The following SPTLC3 variants were observed in gnomAD, a reference collection of about 807,000 sequenced individuals.
SPTLC3 encodes serine palmitoyltransferase 3.
Under a neutral mutation model 59.3 loss-of-function variants are expected in SPTLC3, and 36 were observed. The observed-to-expected ratio is 0.61, with a 90% CI of 0.47 to 0.80. The LOEUF is 0.80. Ranked by LOEUF, SPTLC3 falls within the 30% of genes least tolerant of loss-of-function variation. The probability of loss-of-function intolerance (pLI) is 0.00; values close to 1 mark genes in which losing one functional copy is unlikely to be tolerated. For synonymous variants in SPTLC3, 257 were observed against 240.8 expected, an observed-to-expected ratio of 1.07 and a Z score of -0.62; for missense variants, 625 against 685.1, an observed-to-expected ratio of 0.91 and a Z score of 0.98.
chr20:13,103,640 C>T (rs1189367096), intron 6 of SPTLC3, among the ~76,000 whole-genome samples: 1 of 152,178 alleles, frequency 6.6e-6, no homozygotes, highest in African/African-American at 2.4e-5. Flanking sequence ...ACCAACCACA[C>T]CAGGAGCATA....
intron 9 of SPTLC3, among the ~76,000 whole-genome samples, chr20:13,127,874 T>G (rs944061821): frequency 4.6e-5 from 7 of 152,166 alleles, no homozygotes; most frequent in Non-Finnish European, 8.8e-5. Context: ...ATCCTATTGG[T>G]TGGTCTTTGT....
At chr20:13,104,453 C>T (rs1419682352) in intron 6 of SPTLC3, among the ~76,000 whole-genome samples, 4 of 152,160 alleles carry the variant, frequency 2.6e-5, no homozygotes, top group Non-Finnish European at 5.9e-5. Flanking sequence ...GTAAGATGTG[C>T]CTTTCCCCTT....
At chr20:13,159,283 C>A (rs1447951179) in intron 10 of SPTLC3, among the ~76,000 whole-genome samples, 2 of 152,204 alleles carry the variant, frequency 1.3e-5, no homozygotes, top group African/African-American at 2.4e-5. Context: ...AGGTTCTCTG[C>A]GTGAACACTT....
At chr20:13,016,093 G>A (rs1435948164) in intron 1 of SPTLC3, among the ~76,000 whole-genome samples, 1 of 151,406 alleles carries the variant, frequency 6.6e-6, no homozygotes, top group African/African-American at 2.4e-5. Flanking sequence ...TACAAAAAGA[G>A]GCCAAACACC....
intron 1 of SPTLC3, among the ~76,000 whole-genome samples, chr20:13,034,938 T>C (rs1986669237): frequency 6.6e-6 from 1 of 152,162 alleles, no homozygotes; most frequent in Non-Finnish European, 1.5e-5. Flanking sequence ...GATGGGTATC[T>C]ATCCTGATGT....
At chr20:13,076,928 G>A (rs984297441) in intron 4 of SPTLC3, among the ~76,000 whole-genome samples, 2 of 152,050 alleles carry the variant, frequency 1.3e-5, no homozygotes, top group African/African-American at 4.8e-5. Context: ...TTAAAACTGA[G>A]CCCAAAAATA....
intron 9 of SPTLC3, among the ~76,000 whole-genome samples, chr20:13,148,531 C>G (rs997086120): frequency 6.6e-6 from 1 of 152,176 alleles, no homozygotes; most frequent in African/African-American, 2.4e-5. Flanking sequence ...CCTGAGCACT[C>G]AGGAACTGCT....
intron 6 of SPTLC3, among the ~76,000 whole-genome samples, chr20:13,095,168 A>C (rs1333379217): frequency 2.0e-5 from 3 of 152,208 alleles, no homozygotes; most frequent in South Asian, 2.1e-4. Context: ...TCAGCATGAC[A>C]GATGATTGCT....
At chr20:13,036,649 G>T (rs1986747968) in intron 1 of SPTLC3, among the ~76,000 whole-genome samples, 1 of 151,998 alleles carries the variant, frequency 6.6e-6, no homozygotes, top group Non-Finnish European at 1.5e-5. Context: ...TGCACAGAAG[G>T]CCAGCACCCT....
At chr20:13,043,944 C>A (rs183524179) in intron 1 of SPTLC3, among the ~76,000 whole-genome samples, 20 of 152,196 alleles carry the variant, frequency 1.3e-4, no homozygotes, top group Admixed American at 2.6e-4. Flanking sequence ...TCCCCATATA[C>A]AATGGTCTTG....
At chr20:13,020,574 T>A (rs1320118609) in intron 1 of SPTLC3, among the ~76,000 whole-genome samples, 4 of 152,112 alleles carry the variant, frequency 2.6e-5, no homozygotes, top group Non-Finnish European at 4.4e-5. Context: ...TTACATAATA[T>A]ATTAATATTT....
In SPTLC3 at chr20:13,060,377, G is replaced by GTTATTTAT. The variant is rs60787251; in HGVS notation, c.303+11280_303+11287dup. ...TGTGTAGGAGAAGGCAAGAGCTAAA[G>GTTATTTAT]TTATTTATTTATTTATTTATTTATT... is the stretch of plus-strand genomic sequence containing the variant. On this transcript the variant is annotated intron_variant, in intron 2 of 11. Coordinates refer to ENST00000399002, the MANE Select transcript of SPTLC3 (RefSeq NM_018327.4). 9.3e-3 allele frequency among the ~76,000 whole-genome samples: 1,366 copies of GTTATTTAT among 146,256 alleles called. 13 individuals carry two copies. Among genetic ancestry groups the GTTATTTAT allele is most frequent in the African/African-American group, 0.019 (736 of 39,244 alleles).
rs2037965023 is a variant in SPTLC3 at position 13,125,346 on chromosome 20, AT to A, written c.1153-1244del. On this transcript the variant is annotated intron_variant, in intron 8 of 11. Transcript: ENST00000399002. ...GTGTTACACAAAACACAAAATTCCA[AT>A]AGTTCTCTGCTGCCAAAGGCATAAC... 3.3e-5 allele frequency among the ~76,000 whole-genome samples: 5 copies of A among 152,266 alleles called. 1 individual carries two copies. In the South Asian group the frequency reaches 8.3e-4, roughly 25 times the overall value.
chr20:13,109,693 G>T (rs973466444), intron 6 of SPTLC3, among the ~76,000 whole-genome samples: 1 of 152,202 alleles, frequency 6.6e-6, no homozygotes, highest in Non-Finnish European at 1.5e-5. Flanking sequence ...AGTGAGATCC[G>T]TGCAAACTCA....
intron 3 of SPTLC3, 87 bp downstream of exon 3, chr20:13,072,497 A>C (rs1988481493): frequency 7.3e-7 from 1 of 1,367,430 alleles, no homozygotes; most frequent in Admixed American, 2.5e-5. Flanking sequence ...AATCCAAAAA[A>C]ACAAGGCATG....
At chr20:13,051,741 C>G (rs1035861702) in intron 2 of SPTLC3, among the ~76,000 whole-genome samples, 2 of 152,162 alleles carry the variant, frequency 1.3e-5, no homozygotes, top group Non-Finnish European at 2.9e-5. Flanking sequence ...CAAGCACTCT[C>G]TCAGGCCACA....
In SPTLC3 at chr20:13,009,198, C is replaced by A; in HGVS notation, c.-70C>A. ...CAAAGAGCTTTATCCCATCCCCTCG[C>A]AGACTGAAAACTAAAGCCTGCAGAG... is the stretch of plus-strand genomic sequence containing the variant. On this transcript the variant is annotated 5_prime_UTR_variant, in exon 1 of 12. Transcript: ENST00000399002. 3.1e-6 allele frequency: 4 copies of A among 1,272,868 alleles called. No individual in the cohort carries two copies. Among genetic ancestry groups the A allele is most frequent in the South Asian group, 1.2e-5 (1 of 80,352 alleles). The allele number at this position is 1,272,868 out of a possible 1,614,324, so 78.8% of individuals were successfully genotyped here.
At chr20:13,117,422 T>G in intron 7 of SPTLC3, 84 bp from the exon 8 acceptor site, 1 of 1,265,292 alleles carries the variant, frequency 7.9e-7, no homozygotes, top group Non-Finnish European at 1.1e-6. Context: ...CAGGGAAGAC[T>G]GTCTAGGATG....
rs1168290743 is a variant in SPTLC3, at chr20:13,166,040, T to C, written c.*1173T>C. The C allele has an allele frequency of 6.6e-6, 1 of 152,626 alleles. No homozygotes were observed. The highest frequency in any genetic ancestry group is 1.5e-5 in the Non-Finnish European group (1 of 68,034). 9.5% of individuals were successfully genotyped at this position (152,626 alleles called of 1,614,324 possible). A position where few individuals can be genotyped will look rare whatever the true frequency, so the allele number is the denominator to read the frequency against. ...CCTCTTGTTAATCTGATCTAGTTTG[T>C]ATGGAAAAAGCCCATGGAGAACCTT... is the stretch of plus-strand genomic sequence containing the variant. On this transcript the variant is annotated 3_prime_UTR_variant, in exon 12 of 12. Transcript: ENST00000399002.
Sources: gnomAD v4.1 joint callset for allele counts (sites outside exome capture counted in the v4.1 genomes callset) on GRCh38, gnomAD v4.1.1 for gene constraint, MANE v1.5 for transcripts, NCBI Gene and HGNC (gene_info 2026-07-23, HGNC 2026-07-21) for gene names.